ZEB2: variants seen among roughly 807,000 people sequenced by gnomAD.
ZEB2 encodes the protein zinc finger E-box binding homeobox 2.
Under a neutral mutation model 99.9 loss-of-function variants are expected in ZEB2, and 6 were observed. The observed-to-expected ratio is 0.06, with a 90% CI of 0.03 to 0.12. The LOEUF (loss-of-function observed/expected upper bound fraction) is 0.12. Among genes scored for constraint, ZEB2 ranks in the 10% least tolerant of loss-of-function variants. The pLI, the probability that ZEB2 is intolerant of heterozygous loss-of-function variation, is 1.00. For synonymous variants in ZEB2, 517 were observed against 542.5 expected, an observed-to-expected ratio of 0.95 and a Z score of 0.65; for missense variants, 969 against 1,502.8, an observed-to-expected ratio of 0.64 and a Z score of 5.87.
At chr2:144,501,157 T>A (rs1441776317) in intron 2 of ZEB2, among the ~76,000 whole-genome samples, 1 of 152,210 alleles carries the variant, frequency 6.6e-6, no homozygotes, top group Non-Finnish European at 1.5e-5. Context: ...CTACACTTAA[T>A]ATTCTCACAT....
At position 144,399,250 on chromosome 2, in the gene ZEB2, G is replaced by C; in HGVS notation, c.1937C>G (p.Thr646Arg). The C allele has an allele frequency of 6.2e-7, 1 of 1,614,120 alleles. No individual in the cohort carries two copies. The highest frequency in any genetic ancestry group is 8.5e-7 in the Non-Finnish European group (1 of 1,180,016). Residue 646 changes from threonine to arginine, a missense_variant, in exon 8 of 10, where the codon ACA becomes AGA. Thr to Arg is a moderately conservative substitution (Grantham distance 71, BLOSUM62 -1). Transcript: ENST00000627532. This position sits in a 1 kb window ranked among gnomAD's most constrained non-coding sequence, Gnocchi z 5.6. ...LSSVLSEKGM[T>R]SPINPYKDHM... is the part of the protein sequence containing the mutation. ...GTCCTTGTATGGGTTGATGGGGCTT[G>C]TCATTCCTTTCTCAGAAAGTACAGA...
In ZEB2 at chr2:144,515,517, AGAGAGAGAGAGAGG is replaced by A. The variant is rs1258907769; in HGVS notation, c.73+1747_73+1760del. Among the ~76,000 whole-genome samples, 28 of 134,232 alleles carry A rather than the reference AGAGAGAGAGAGAGG, an allele frequency of 2.1e-4. 1 individual carries two copies. Among genetic ancestry groups the A allele is most frequent in the African/African-American group, 7.2e-4 (28 of 38,724 alleles). The allele number at this position is 134,232 out of a possible 152,430, so 88.1% of individuals were successfully genotyped here. On this transcript the variant is annotated intron_variant, in intron 2 of 9. Transcript: ENST00000627532. Reference sequence around the variant, plus strand: ...CCAGAGTGAAAAAAAAATTAAATTAAGAGAGAGAGAGAGGGAGAAAGAGAGAGGGAGAGACTTAA... The same window carrying A: ...CCAGAGTGAAAAAAAAATTAAATTAAGAGAAAGAGAGAGGGAGAGACTTAA...
rs1703666379 is a variant in ZEB2, at chr2:144,424,668, G to T, written c.403+128C>A. ...AATTTTGATTTGAAACAAAACCAGAGACCTGTAAAGTTGACTACTTGTTAA... is the reference window on the plus strand; with the variant it reads ...AATTTTGATTTGAAACAAAACCAGATACCTGTAAAGTTGACTACTTGTTAA... On this transcript the variant is annotated intron_variant, in intron 4 of 9. Transcript: ENST00000627532. 4.5e-6 allele frequency: 5 copies of T among 1,105,128 alleles called. No homozygotes were observed. In the Admixed American group the frequency reaches 5.7e-5, roughly 13 times the overall value. 68.5% of individuals were successfully genotyped at this position (1,105,128 alleles called of 1,614,324 possible). A position where few individuals can be genotyped will look rare whatever the true frequency, so the allele number is the denominator to read the frequency against.
intron 2 of ZEB2, among the ~76,000 whole-genome samples, chr2:144,458,102 A>G (rs1421188845): frequency 6.6e-6 from 1 of 151,868 alleles, no homozygotes. Flanking sequence ...GGCTGTTTTC[A>G]TTGCTACTTT....
intron 2 of ZEB2, among the ~76,000 whole-genome samples, chr2:144,494,101 G>A (rs1188579889): frequency 4.7e-5 from 6 of 128,056 alleles, no homozygotes; most frequent in African/African-American, 1.2e-4. Context: ...GCAGTGAGCC[G>A]AGATCGCGCC....
chr2:144,395,149 C>T (rs1418244776), intron 9 of ZEB2, among the ~76,000 whole-genome samples: 3 of 151,886 alleles, frequency 2.0e-5, no homozygotes, highest in Admixed American at 2.0e-4. Context: ...GCTTGAGCTA[C>T]CACATCCAGC....
In ZEB2 at chr2:144,385,574, T is replaced by G. The variant is rs933723996; in HGVS notation, c.*3877A>C. 6.6e-6 allele frequency: 1 copy of G among 152,180 alleles called. No homozygotes were observed. The highest frequency in any genetic ancestry group is 1.5e-5 in the Non-Finnish European group (1 of 68,014). The allele number at this position is 152,180 out of a possible 1,614,324, so 9.4% of individuals were successfully genotyped here. On this transcript the variant is annotated 3_prime_UTR_variant, in exon 10 of 10. Coordinates refer to ENST00000627532, the MANE Select transcript of ZEB2 (RefSeq NM_014795.4). ...TTGTTTGAATGTTTTTACATGTACA[T>G]GGGATCACATAGTCAAATAAATGCA...
chr2:144,434,816 C>A (rs987546138), intron 2 of ZEB2, among the ~76,000 whole-genome samples: 1 of 152,166 alleles, frequency 6.6e-6, no homozygotes, highest in Admixed American at 6.6e-5. Flanking sequence ...GATAAAGAGG[C>A]AGTTCACAGA....
chr2:144,447,036 ATTAAG>A (rs1453316949), intron 2 of ZEB2, among the ~76,000 whole-genome samples: 1 of 151,952 alleles, frequency 6.6e-6, no homozygotes, highest in Admixed American at 6.6e-5. Flanking sequence ...AAAAAAAAGA[ATTAAG>A]TTTAATAACT....
intron 2 of ZEB2, among the ~76,000 whole-genome samples, chr2:144,452,680 A>G (rs1346799555): frequency 1.3e-5 from 2 of 152,110 alleles, no homozygotes; most frequent in Admixed American, 1.3e-4. Flanking sequence ...TCCGTCGCCA[A>G]CCTGATAACT....
At chr2:144,495,431 A>G (rs990088343) in intron 2 of ZEB2, 4 of 152,374 alleles carry the variant, frequency 2.6e-5, no homozygotes, top group African/African-American at 9.6e-5. Flanking sequence ...GAAACGCCTC[A>G]GTGAACTAGG....
chr2:144,443,482 T>C (rs1358482353), intron 2 of ZEB2, among the ~76,000 whole-genome samples: 1 of 152,210 alleles, frequency 6.6e-6, no homozygotes, highest in Non-Finnish European at 1.5e-5. Flanking sequence ...TCCTGTAAGA[T>C]TAATTATAAT....
At chr2:144,412,074 A>G (rs1304497136) in intron 4 of ZEB2, among the ~76,000 whole-genome samples, 2 of 152,270 alleles carry the variant, frequency 1.3e-5, no homozygotes, top group Non-Finnish European at 2.9e-5. Flanking sequence ...GTTCAAGACC[A>G]GCCTGACCAA....
intron 2 of ZEB2, among the ~76,000 whole-genome samples, chr2:144,447,508 T>C (rs1052998917): frequency 1.3e-5 from 2 of 152,188 alleles, no homozygotes; most frequent in African/African-American, 4.8e-5. Flanking sequence ...TCCCATCTTG[T>C]CCATTCATCA....
rs772121083 is a variant in ZEB2, at chr2:144,398,931, C to T, written c.2256G>A (p.Thr752=). The T allele has an allele frequency of 1.2e-5, 20 of 1,614,026 alleles. No individual in the cohort carries two copies. The highest frequency in any genetic ancestry group is 5.3e-5 in the African/African-American group (4 of 74,904). ...PSIAELHNSV[T]NCDPPLRLTK... ...TTAGCCTGAGAGGAGGATCACAATT[C>T]GTAACACTGTTGTGGAGTTCTGCTA... is the stretch of plus-strand genomic sequence containing the variant. The change falls in exon 8 of 10, where the codon ACG becomes ACA. Residue 752 remains threonine, a synonymous_variant. Coordinates refer to ENST00000627532, the MANE Select transcript of ZEB2 (RefSeq NM_014795.4).
intron 2 of ZEB2, among the ~76,000 whole-genome samples, chr2:144,474,081 C>T (rs914262156): frequency 6.6e-6 from 1 of 152,136 alleles, no homozygotes; most frequent in Admixed American, 6.5e-5. Flanking sequence ...CTTGTCCGGG[C>T]AGTCCTGAGC....
At chr2:144,512,429 G>T in intron 2 of ZEB2, 1 of 1,287,190 alleles carries the variant, frequency 7.8e-7, no homozygotes, top group Non-Finnish European at 1.0e-6. Context: ...TTTTTCCCAG[G>T]AAATATTCTT....
intron 2 of ZEB2, among the ~76,000 whole-genome samples, chr2:144,472,177 A>G (rs1704366205): frequency 1.3e-5 from 2 of 151,030 alleles, no homozygotes; most frequent in South Asian, 4.2e-4. Flanking sequence ...CCAAAGAAGC[A>G]TTTGGTCATG....
intron 2 of ZEB2, chr2:144,455,136 G>A (rs576645620): frequency 7.2e-5 from 11 of 152,204 alleles, no homozygotes; most frequent in African/African-American, 2.2e-4. Context: ...CCCTGAAATC[G>A]GAAGGGAAAA....
Sources: gnomAD v4.1 joint callset for allele counts (sites outside exome capture counted in the v4.1 genomes callset) on GRCh38, gnomAD v4.1.1 for gene constraint, Gnocchi (gnomAD v3.1) non-coding constraint, MANE v1.5 for transcripts, NCBI Gene and HGNC (gene_info 2026-07-23, HGNC 2026-07-21) for gene names.